The following PPP4R4 variants were observed in gnomAD, a reference collection of about 807,000 sequenced individuals.
PPP4R4 encodes the protein serine/threonine-protein phosphatase 4 regulatory subunit 4.
In PPP4R4, 70 loss-of-function variants were observed where a neutral mutation model predicts 121.8. That is an observed-to-expected ratio of 0.57 (90% CI 0.47 to 0.70). The LOEUF (loss-of-function observed/expected upper bound fraction) is 0.70. PPP4R4 is among the 30% of genes least tolerant of loss of function. The pLI, the probability that PPP4R4 is intolerant of heterozygous loss-of-function variation, is 0.00. For synonymous variants in PPP4R4, 348 were observed against 355.7 expected (o/e 0.98, Z 0.24); for missense variants, 875 against 1,033.6 (o/e 0.85, Z 2.10).
At chr14:94,241,476 A>G (rs1480475181) in intron 9 of PPP4R4, among the ~76,000 whole-genome samples, 3 of 152,096 alleles carry the variant, frequency 2.0e-5, no homozygotes, top group African/African-American at 4.8e-5. Context: ...AATAGCCACA[A>G]TGTTACTATT....
intron 2 of PPP4R4, among the ~76,000 whole-genome samples, chr14:94,179,840 G>A (rs1888879008): frequency 6.6e-6 from 1 of 152,166 alleles, no homozygotes; most frequent in African/African-American, 2.4e-5. Context: ...GAGGACAAGG[G>A]CAAGCTTTCT....
intron 2 of PPP4R4, among the ~76,000 whole-genome samples, chr14:94,188,303 A>G (rs941868593): frequency 2.0e-5 from 3 of 152,232 alleles, no homozygotes; most frequent in Non-Finnish European, 2.9e-5. Context: ...TTCATTATGT[A>G]TTAGTCTTTT....
At chr14:94,259,258 A>T (rs772113024) in intron 18 of PPP4R4, 37 bp from the exon 19 acceptor site, 6 of 1,579,548 alleles carry the variant, frequency 3.8e-6, no homozygotes, top group Middle Eastern at 1.7e-4. Context: ...GAAACTCATC[A>T]CTAATGTTTC....
Position 94,251,949 on chromosome 14 carries a change from A to G in PPP4R4, c.1865+53A>G, listed in dbSNP as rs1389949944. The G allele has an allele frequency of 6.4e-6, 9 of 1,415,666 alleles. No homozygotes were observed. The Admixed American group carries it at 7.5e-5, about 12-fold the overall frequency. 87.7% of individuals were successfully genotyped at this position (1,415,666 alleles called of 1,614,324 possible). On this transcript the variant is annotated intron_variant, in intron 16 of 24. Transcript: ENST00000304338. ...GAAATTGTATTTATTTTTATCTACT[A>G]TAGTGAACATATGCAAAATCTTTTC...
intron 9 of PPP4R4, among the ~76,000 whole-genome samples, chr14:94,241,128 A>G (rs1205193457): frequency 6.6e-6 from 1 of 152,136 alleles, no homozygotes; most frequent in Admixed American, 6.5e-5. Context: ...ACACTTATTA[A>G]CCATTTATTG....
intron 3 of PPP4R4, among the ~76,000 whole-genome samples, chr14:94,229,851 CTCTA>C (rs765181197): frequency 1.1e-4 from 16 of 152,174 alleles, no homozygotes; most frequent in Admixed American, 3.3e-4. Flanking sequence ...CACTTTCTCT[CTCTA>C]TCTCTCTCTC....
rs182727247 is a variant in PPP4R4, at chr14:94,274,310, G to A, written c.2450-1064G>A. On this transcript the variant is annotated intron_variant, in intron 23 of 24. Transcript: ENST00000304338. The stretch of plus-strand genomic sequence containing the variant: ...CACTGGACTTAATCAAAATTAAAGC[G>A]TCTGGGCTTTGAAATAGAGCATTAA... 1.4e-4 allele frequency among the ~76,000 whole-genome samples: 22 copies of A among 151,984 alleles called. 1 individual carries two copies. In the East Asian group the frequency reaches 1.9e-3, roughly 13 times the overall value.
chr14:94,222,815 T>A (rs916458818), intron 3 of PPP4R4, among the ~76,000 whole-genome samples: 45 of 152,098 alleles, frequency 3.0e-4, no homozygotes, highest in African/African-American at 1.1e-3. Context: ...TTCTCAGGTA[T>A]CTTTTTACAT....
intron 2 of PPP4R4, among the ~76,000 whole-genome samples, chr14:94,198,788 C>T (rs962864286): frequency 1.3e-4 from 20 of 152,170 alleles, no homozygotes; most frequent in African/African-American, 4.6e-4. Context: ...TTATCATCTC[C>T]TCATTGAGTT....
At chr14:94,240,202 A>G (rs1264910041) in intron 8 of PPP4R4, among the ~76,000 whole-genome samples, 1 of 152,240 alleles carries the variant, frequency 6.6e-6, no homozygotes, top group Non-Finnish European at 1.5e-5. Flanking sequence ...ATGAAATTCA[A>G]TACATAGAAC....
rs1214510660 is a variant in PPP4R4 at position 94,230,683 on chromosome 14, A to T, written c.391A>T (p.Thr131Ser). ...QDESVSIHAYTHSFLQVILLH... is the reference protein window; with the variant it reads ...QDESVSIHAYSHSFLQVILLH... Reference sequence around the variant, plus strand: ...CGAATCAGTGTCAATTCATGCATATACCCACTCATTCCTCCAAGTCATTCT... The same window carrying T: ...CGAATCAGTGTCAATTCATGCATATTCCCACTCATTCCTCCAAGTCATTCT... Residue 131 changes from threonine (T) to serine (S), a missense_variant, in exon 4 of 25, where the codon ACC becomes TCC. Thr to Ser is a moderately conservative substitution (Grantham distance 58). Coordinates refer to ENST00000304338, the MANE Select transcript of PPP4R4 (RefSeq NM_058237.2). 2 of 1,613,146 alleles carry T rather than the reference A, an allele frequency of 1.2e-6. No homozygotes were observed. Among genetic ancestry groups the T allele is most frequent in the Admixed American group, 1.7e-5 (1 of 59,990 alleles).
intron 2 of PPP4R4, among the ~76,000 whole-genome samples, chr14:94,202,388 G>T (rs1890238762): frequency 2.0e-5 from 3 of 152,142 alleles, no homozygotes; most frequent in Admixed American, 2.0e-4. Context: ...ATTATTCAAA[G>T]ATATAAATAA....
chr14:94,192,485 TTAAC>T (rs1396928667), intron 2 of PPP4R4, among the ~76,000 whole-genome samples: 2 of 152,184 alleles, frequency 1.3e-5, no homozygotes, highest in Non-Finnish European at 2.9e-5. Flanking sequence ...AAGGAAATAA[TTAAC>T]TATCAACTAT....
chr14:94,247,311 C>A (rs1391568712), intron 14 of PPP4R4, among the ~76,000 whole-genome samples: 13 of 152,206 alleles, frequency 8.5e-5, no homozygotes, highest in Admixed American at 8.5e-4. Flanking sequence ...GCCTCTGGGG[C>A]AGATGCTGAG....
chr14:94,194,975 T>A lies in PPP4R4; in HGVS notation c.192-13489T>A, dbSNP rs1054197129. Among the ~76,000 whole-genome samples the A allele has an allele frequency of 1.1e-4, 16 of 152,212 alleles. 1 individual carries two copies. The highest frequency in any genetic ancestry group is 1.3e-4 in the Non-Finnish European group (9 of 68,046). ...ATGTACATTTAAGTAGACTTACATG[T>A]TATTCCATCTCTGCTATTTTTTTTC... On this transcript the variant is annotated intron_variant, in intron 2 of 24. Transcript: ENST00000304338.
chr14:94,229,122 CTT>C (rs1162238767), intron 3 of PPP4R4, among the ~76,000 whole-genome samples: 1 of 152,126 alleles, frequency 6.6e-6, no homozygotes, highest in Non-Finnish European at 1.5e-5. Context: ...CATTATCTGA[CTT>C]ATTTCTTAAA....
At chr14:94,274,681 C>G (rs1409407162) in intron 23 of PPP4R4, among the ~76,000 whole-genome samples, 2 of 152,114 alleles carry the variant, frequency 1.3e-5, no homozygotes, top group Non-Finnish European at 2.9e-5. Flanking sequence ...TCACATGTTC[C>G]TGGCAGAAAT....
chr14:94,275,357 A>G lies in PPP4R4; in HGVS notation c.2450-17A>G, dbSNP rs376916664. 49 of 1,612,876 alleles carry G rather than the reference A, an allele frequency of 3.0e-5. 1 individual carries two copies. The highest frequency in any genetic ancestry group is 9.9e-5 in the South Asian group (9 of 90,962). On this transcript the variant is annotated splice_polypyrimidine_tract_variant and intron_variant, in intron 23 of 24. Coordinates refer to ENST00000304338, the MANE Select transcript of PPP4R4 (RefSeq NM_058237.2). ...TAGTATATTTGGTATGTCTGACTTTATATGTATTGCTTTCAGATGATTCAT... is the reference window on the plus strand; with the variant it reads ...TAGTATATTTGGTATGTCTGACTTTGTATGTATTGCTTTCAGATGATTCAT...
intron 2 of PPP4R4, among the ~76,000 whole-genome samples, chr14:94,176,943 T>C (rs1888710911): frequency 6.6e-6 from 1 of 152,100 alleles, no homozygotes; most frequent in Non-Finnish European, 1.5e-5. Context: ...TGATGTAATT[T>C]ACCTCCTAGG....
Sources: gnomAD v4.1 joint callset for allele counts (sites outside exome capture counted in the v4.1 genomes callset) on GRCh38, gnomAD v4.1.1 for gene constraint, MANE v1.5 for transcripts, NCBI Gene and HGNC (gene_info 2026-07-23, HGNC 2026-07-21) for gene names.